UGT1A7: variants seen among roughly 807,000 people sequenced by gnomAD.
UGT1A7 encodes the protein UDP glucuronosyltransferase family 1 member A7.
A neutral mutation model predicts 45.6 loss-of-function variants in UGT1A7; 33 were observed. That is an observed-to-expected ratio of 0.72 (90% CI 0.55 to 0.97). The LOEUF (loss-of-function observed/expected upper bound fraction) is 0.97. Ranked by LOEUF, UGT1A7 falls within the 50% of genes least tolerant of loss-of-function variation. The pLI is 0.00. For synonymous variants in UGT1A7, 274 were observed against 250.6 expected (o/e 1.09, Z -0.88); for missense variants, 684 against 666.2 (o/e 1.03, Z -0.29).
chr2:233,725,771 TTTG>T (rs1358189375), intron 1 of UGT1A7, among the ~76,000 whole-genome samples: 1 of 152,264 alleles, frequency 6.6e-6, no homozygotes, highest in Admixed American at 6.5e-5. Flanking sequence ...CTTCACATAG[TTTG>T]TTGTTATCAT....
chr2:233,743,928 A>G, intron 1 of UGT1A7: 1 of 1,360,462 alleles, frequency 7.4e-7, no homozygotes. Context: ...CTGGATGGCC[A>G]GAACGGCCCA....
intron 1 of UGT1A7, chr2:233,718,729 G>A: frequency 6.2e-7 from 1 of 1,611,182 alleles, no homozygotes; most frequent in African/African-American, 1.3e-5. Flanking sequence ...GATTTGCTAG[G>A]TGGCTCAATG....
intron 1 of UGT1A7, among the ~76,000 whole-genome samples, chr2:233,699,027 G>A (rs1169974105): frequency 6.6e-6 from 1 of 152,220 alleles, no homozygotes; most frequent in Non-Finnish European, 1.5e-5. Flanking sequence ...GAGCCACCAG[G>A]CAGTCCCAGA....
At position 233,691,024 on chromosome 2, in the gene UGT1A7, G is replaced by C; in HGVS notation, c.855+8232G>C. The C allele has an allele frequency of 7.1e-6, 7 of 991,444 alleles. 1 individual carries two copies. The highest frequency in any genetic ancestry group is 8.4e-6 in the Non-Finnish European group (7 of 834,158). The allele number at this position is 991,444 out of a possible 1,614,324, so 61.4% of individuals were successfully genotyped here. A position where few individuals can be genotyped will look rare whatever the true frequency, so the allele number is the denominator to read the frequency against. On this transcript the variant is annotated intron_variant, in intron 1 of 4. Transcript: ENST00000373426. ...TTCAGAGCAAGGCTGTGGTTGGAAG[G>C]GCTCAGACCAACGTCCACAGCAGAG...
At position 233,726,533 on chromosome 2, in the gene UGT1A7, T is replaced by A. The variant is rs137884308; in HGVS notation, c.856-40501T>A. 1.1e-3 allele frequency among the ~76,000 whole-genome samples: 170 copies of A among 152,338 alleles called. 1 individual carries two copies. Among genetic ancestry groups the A allele is most frequent in the African/African-American group, 3.9e-3 (162 of 41,582 alleles). On this transcript the variant is annotated intron_variant, in intron 1 of 4. Coordinates refer to ENST00000373426, the MANE Select transcript of UGT1A7 (RefSeq NM_019077.3). ...TGGTACTTTTCCACTTTTAGGGAGATGCAGTGCAGCGTCTTCAAGTCTCCC... is the reference window on the plus strand; with the variant it reads ...TGGTACTTTTCCACTTTTAGGGAGAAGCAGTGCAGCGTCTTCAAGTCTCCC...
intron 1 of UGT1A7, among the ~76,000 whole-genome samples, chr2:233,742,351 C>G (rs1691948026): frequency 6.6e-6 from 1 of 151,962 alleles, no homozygotes; most frequent in South Asian, 2.1e-4. Flanking sequence ...GGCTAATTAT[C>G]TGCAGCAGAA....
chr2:233,772,882 T>C lies in UGT1A7; in HGVS notation c.*323T>C. 1.8e-6 allele frequency: 1 copy of C among 558,640 alleles called. No homozygotes were observed. Among genetic ancestry groups the C allele is most frequent in the Non-Finnish European group, 2.8e-6 (1 of 359,816 alleles). The allele number at this position is 558,640 out of a possible 1,614,324, so 34.6% of individuals were successfully genotyped here. ...CATGGCCTGTTTGGGAGTGCGGGAT[T>C]CAAAGGTGGTCCCACGGCTGCCCCT... On this transcript the variant is annotated 3_prime_UTR_variant, in exon 5 of 5. Transcript: ENST00000373426.
chr2:233,724,213 C>A (rs2077189704), intron 1 of UGT1A7, among the ~76,000 whole-genome samples: 1 of 128,892 alleles, frequency 7.8e-6, no homozygotes, highest in Non-Finnish European at 1.7e-5. Flanking sequence ...CTGAGGGGCT[C>A]CTCACTTCCC....
intron 1 of UGT1A7, chr2:233,761,144 T>A: frequency 6.2e-7 from 1 of 1,614,254 alleles, no homozygotes; most frequent in Non-Finnish European, 8.5e-7. Flanking sequence ...CAAAATCCAC[T>A]ATCCCAGGTG....
chr2:233,728,952 CA>C (rs1350442582), intron 1 of UGT1A7, among the ~76,000 whole-genome samples: 1 of 152,152 alleles, frequency 6.6e-6, no homozygotes, highest in African/African-American at 2.4e-5. Flanking sequence ...GTGGGGCCCA[CA>C]GTGAAAAACA....
rs531565456 is a variant in UGT1A7 at position 233,748,436 on chromosome 2, T to C, written c.856-18598T>C. On this transcript the variant is annotated intron_variant, in intron 1 of 4. Coordinates refer to ENST00000373426, the MANE Select transcript of UGT1A7 (RefSeq NM_019077.3). ...AGACTTGACCCATCTGGATTTTTTG[T>C]TTGCACAATTTTCAGGGGAAAGATG... Among the ~76,000 whole-genome samples the C allele has an allele frequency of 2.0e-5, 3 of 151,942 alleles. No individual in the cohort carries two copies. In the East Asian group the frequency reaches 5.8e-4, roughly 29 times the overall value.
At chr2:233,742,175 T>C (rs1052722591) in intron 1 of UGT1A7, among the ~76,000 whole-genome samples, 7 of 151,768 alleles carry the variant, frequency 4.6e-5, no homozygotes, top group African/African-American at 1.5e-4. Flanking sequence ...CACAGAAATA[T>C]AGAGTGTGGA....
chr2:233,692,971 C>G, intron 1 of UGT1A7: 2 of 1,611,844 alleles, frequency 1.2e-6, no homozygotes, highest in South Asian at 1.1e-5. Flanking sequence ...AGTGAAAACT[C>G]TTTATTACCG....
intron 1 of UGT1A7, among the ~76,000 whole-genome samples, chr2:233,704,154 G>C (rs577048588): frequency 7.5e-4 from 114 of 151,806 alleles, no homozygotes; most frequent in Middle Eastern, 3.4e-3. Flanking sequence ...GCCTTTCAAA[G>C]TACTGGGATT....
intron 4 of UGT1A7, among the ~76,000 whole-genome samples, chr2:233,768,769 A>G (rs1559416355): frequency 6.6e-6 from 1 of 151,738 alleles, no homozygotes; most frequent in Non-Finnish European, 1.5e-5. Flanking sequence ...TTTTTAGTAG[A>G]GAAAGGGTTT....
intron 1 of UGT1A7, among the ~76,000 whole-genome samples, chr2:233,689,402 A>G (rs1410123312): frequency 1.3e-5 from 2 of 152,232 alleles, no homozygotes; most frequent in African/African-American, 2.4e-5. Context: ...TATACTTGAG[A>G]CCCAATCTCT....
At position 233,769,478 on chromosome 2, in the gene UGT1A7, TGC is replaced by T; in HGVS notation, c.1295+1041_1295+1042del. The stretch of plus-strand genomic sequence containing the variant: ...GCATTCATATGCGTGTGTGTGTGTG[TGC>T]GTGTGTTTATGAGAGTGTCCATTGC... On this transcript the variant is annotated intron_variant, in intron 4 of 4. Transcript: ENST00000373426. The surrounding 1 kb of genome is among the most constrained non-coding windows in gnomAD (Gnocchi z 4.4). 2 of 1,611,018 alleles carry T rather than the reference TGC, an allele frequency of 1.2e-6. No individual in the cohort carries two copies. Among genetic ancestry groups the T allele is most frequent in the South Asian group, 1.1e-5 (1 of 90,926 alleles).
chr2:233,719,613 T>C, intron 1 of UGT1A7: 6 of 1,614,096 alleles, frequency 3.7e-6, no homozygotes, highest in Non-Finnish European at 5.1e-6. Flanking sequence ...TGTGATGGAC[T>C]ACCCCAGGCC....
At chr2:233,761,337 T>C (rs1199702907) in intron 1 of UGT1A7, among the ~76,000 whole-genome samples, 1 of 152,264 alleles carries the variant, frequency 6.6e-6, no homozygotes, top group Non-Finnish European at 1.5e-5. Context: ...GATTTCTTGG[T>C]ATCTGAGATT....
Sources: allele counts gnomAD v4.1 joint callset (sites outside exome capture counted in the v4.1 genomes callset), GRCh38; gene constraint gnomAD v4.1.1; non-coding constraint Gnocchi (gnomAD v3.1); transcripts MANE v1.5; gene names NCBI Gene and HGNC (gene_info 2026-07-23, HGNC 2026-07-21).